Variants in HM13 observed in about 807,000 individuals in gnomAD.
HM13 encodes histocompatibility minor 13, also known as signal peptide peptidase.
A neutral mutation model predicts 50.0 loss-of-function variants in HM13; 18 were observed. The observed-to-expected ratio is 0.36, with a 90% CI of 0.25 to 0.53. HM13 has a LOEUF of 0.53. HM13 is among the 20% of genes least tolerant of loss of function. The pLI is 0.90. For synonymous variants in HM13, 197 were observed against 232.6 expected (o/e 0.85, Z 1.39); for missense variants, 393 against 552.4 (o/e 0.71, Z 2.89).
At position 31,552,974 on chromosome 20, in the gene HM13, C is replaced by G. The variant is rs184458195; in HGVS notation, c.725-1772C>G. On this transcript the variant is annotated intron_variant, in intron 7 of 12. Transcript: ENST00000398174. ...TGGGTGACAGAGTAAGACTCCGTCT[C>G]AAATATATATGTATATATGTATAAA... is the stretch of plus-strand genomic sequence containing the variant. Among the ~76,000 whole-genome samples the G allele has an allele frequency of 6.6e-5, 10 of 151,994 alleles. No homozygotes were observed. In the East Asian group the frequency reaches 1.7e-3, roughly 26 times the overall value.
chr20:31,533,349 A>T (rs1453667254), intron 2 of HM13, among the ~76,000 whole-genome samples: 1 of 152,216 alleles, frequency 6.6e-6, no homozygotes, highest in South Asian at 2.1e-4. Flanking sequence ...CTAAAAATAC[A>T]AAAAAGTTAA....
At chr20:31,554,316 C>A (rs546632664) in intron 7 of HM13, among the ~76,000 whole-genome samples, 2 of 151,336 alleles carry the variant, frequency 1.3e-5, no homozygotes, top group African/African-American at 4.9e-5. Flanking sequence ...GAGCCAAGAT[C>A]GTGCCACTGC....
rs11478596 is a variant in HM13, at chr20:31,530,414, CTT to C, written c.282+2844_282+2845del. ...AGTCAAATTACCCCATTCTTTCATT[CTT>C]TTTTTTTTTTTGAGACAGAGTCTTT... On this transcript the variant is annotated intron_variant, in intron 2 of 12. Transcript: ENST00000398174. Among the ~76,000 whole-genome samples, 955 of 143,662 alleles carry C rather than the reference CTT, an allele frequency of 6.6e-3. 12 individuals carry two copies. Among genetic ancestry groups the C allele is most frequent in the African/African-American group, 0.023 (879 of 38,548 alleles). 94.2% of individuals were successfully genotyped at this position (143,662 alleles called of 152,430 possible). A position where few individuals can be genotyped will look rare whatever the true frequency, so the allele number is the denominator to read the frequency against.
Position 31,514,685 on chromosome 20 carries a change from T to G in HM13, c.134T>G (p.Leu45Arg), listed in dbSNP as rs1188549733. The change falls in exon 1 of 13, where the codon CTG (leucine) becomes CGG (arginine). Residue 45 changes from leucine (L) to arginine (R), a missense_variant. By Grantham distance (102) the Leu-to-Arg change is moderately radical (BLOSUM62 -2). This residue lies in a region of HM13 where 214 missense variants were observed against 276.1 expected (regional missense o/e 0.77). Transcript: ENST00000398174. The surrounding 1 kb of genome is among the most constrained non-coding windows in gnomAD (Gnocchi z 4.3). ...AYGSLLLMAL[L>R]PIFFGALRSV... is the part of the protein sequence containing the mutation. The stretch of plus-strand genomic sequence containing the variant: ...GGCAGCCTCCTGCTCATGGCGCTGC[T>G]GCCCATCTTCTTCGGCGCCCTGCGC... The G allele has an allele frequency of 6.4e-7, 1 of 1,555,372 alleles. No individual in the cohort carries two copies. Among genetic ancestry groups the G allele is most frequent in the East Asian group, 2.4e-5 (1 of 41,646 alleles).
chr20:31,548,650 A>G lies in HM13; in HGVS notation c.455-379A>G, dbSNP rs1600652386. ...TTATTCCCCCACAGCAGCCCTAAGA[A>G]GGGGTGCTGTTATCCCCTTTTTACA... On this transcript the variant is annotated intron_variant, in intron 4 of 12. Coordinates refer to ENST00000398174, the MANE Select transcript of HM13 (RefSeq NM_178581.3). 2.1e-5 allele frequency: 6 copies of G among 287,166 alleles called. No individual in the cohort carries two copies. The East Asian group carries it at 4.6e-4, about 22-fold the overall frequency. 17.8% of individuals were successfully genotyped at this position (287,166 alleles called of 1,614,324 possible).
intron 7 of HM13, among the ~76,000 whole-genome samples, chr20:31,551,778 T>C (rs1468093112): frequency 6.6e-6 from 1 of 152,156 alleles, no homozygotes; most frequent in Non-Finnish European, 1.5e-5. Context: ...AAGAAACAGC[T>C]GTCTTTCTCG....
chr20:31,515,042 C>T (rs1004458154), intron 1 of HM13, among the ~76,000 whole-genome samples: 4 of 152,218 alleles, frequency 2.6e-5, no homozygotes, highest in African/African-American at 9.6e-5. Context: ...GCCCGTCCCC[C>T]ACTGCGACTC....
intron 6 of HM13, 48 bp downstream of exon 6, chr20:31,549,380 A>C: frequency 6.2e-7 from 1 of 1,611,538 alleles, no homozygotes; most frequent in Non-Finnish European, 8.5e-7. Context: ...GGGCCATCTC[A>C]TCTCATCACC....
At chr20:31,517,486 C>T (rs1374272427) in intron 1 of HM13, among the ~76,000 whole-genome samples, 1 of 152,054 alleles carries the variant, frequency 6.6e-6, no homozygotes, top group African/African-American at 2.4e-5. Flanking sequence ...CCAGGAGTTC[C>T]GGGACAAAGA....
chr20:31,524,354 A>G (rs1052408682), intron 1 of HM13, among the ~76,000 whole-genome samples: 4 of 152,234 alleles, frequency 2.6e-5, no homozygotes, highest in African/African-American at 9.6e-5. Context: ...TAACAGAGCA[A>G]GGAATACCTT....
rs191405187 is a variant in HM13 at position 31,546,726 on chromosome 20, G to T, written c.454+1691G>T. On this transcript the variant is annotated intron_variant, in intron 4 of 12. Coordinates refer to ENST00000398174, the MANE Select transcript of HM13 (RefSeq NM_178581.3). ...GCCGAAATCGCGCCACTGCACTCCA[G>T]CCAGGGCGACAGAGTGAGACCCTGT... Among the ~76,000 whole-genome samples, 56 of 149,534 alleles carry T rather than the reference G, an allele frequency of 3.7e-4. 1 individual carries two copies. The East Asian group carries it at 0.01, about 28-fold the overall frequency.
intron 3 of HM13, 67 bp from the exon 4 acceptor site, chr20:31,544,880 A>AG (rs1390621535): frequency 8.1e-7 from 1 of 1,231,824 alleles, no homozygotes; most frequent in Non-Finnish European, 1.2e-6. Flanking sequence ...TAAATGGGGC[A>AG]GGGGTGTGTT....
At chr20:31,533,259 T>C (rs1600632401) in intron 2 of HM13, among the ~76,000 whole-genome samples, 1 of 152,200 alleles carries the variant, frequency 6.6e-6, no homozygotes, top group Non-Finnish European at 1.5e-5. Flanking sequence ...TCCCAACGCT[T>C]TGGGAGGCCG....
intron 2 of HM13, among the ~76,000 whole-genome samples, chr20:31,531,438 C>T (rs1289349756): frequency 1.3e-5 from 2 of 151,646 alleles, no homozygotes; most frequent in East Asian, 3.9e-4. Context: ...GCTCTGTTGC[C>T]CAGGCTGGAA....
intron 12 of HM13, 69 bp downstream of exon 12, chr20:31,568,293 CTGCAGCTCCAGTGCATAGGGCAGGGACCA>C (rs1418591324): frequency 6.4e-7 from 1 of 1,573,986 alleles, no homozygotes; most frequent in African/African-American, 1.3e-5. Context: ...AGGGCAGACA[CTGCAGCTCCAGTGCATAGGGCAGGGACCA>C]TTGCCAGGAG....
intron 3 of HM13, among the ~76,000 whole-genome samples, chr20:31,542,196 G>T (rs1329229445): frequency 1.3e-5 from 2 of 152,220 alleles, no homozygotes; most frequent in Non-Finnish European, 2.9e-5. Context: ...CCAGCCTGGG[G>T]GATTGGAGGA....
chr20:31,539,502 G>A, intron 3 of HM13: 2 of 985,512 alleles, frequency 2.0e-6, no homozygotes, highest in Non-Finnish European at 2.4e-6. Context: ...CAAAAGCATT[G>A]AAAGCCAATA....
At chr20:31,547,611 T>C (rs1191444728) in intron 4 of HM13, 6 of 1,575,242 alleles carry the variant, frequency 3.8e-6, no homozygotes, top group Non-Finnish European at 5.2e-6. Flanking sequence ...TTCCAGGTAT[T>C]GAACCATGGC....
Position 31,514,567 on chromosome 20 carries a change from A to G in HM13, c.16A>G (p.Ser6Gly), listed in dbSNP as rs768823297. Residue 6 changes from serine to glycine, a missense_variant, in exon 1 of 13, where the codon AGC (serine) becomes GGC (glycine). This residue lies in a region of HM13 where 214 missense variants were observed against 276.1 expected (regional missense o/e 0.77). Transcript: ENST00000398174. The surrounding 1 kb of genome is among the most constrained non-coding windows in gnomAD (Gnocchi z 4.3). MDSAL[S>G]DPHNGSAEAG... is the part of the protein sequence containing the mutation. The stretch of plus-strand genomic sequence containing the variant: ...CACCCTCGCCATGGACTCGGCCCTC[A>G]GCGATCCGCATAACGGCAGTGCCGA... 6.2e-7 allele frequency: 1 copy of G among 1,606,488 alleles called. No individual in the cohort carries two copies. The highest frequency in any genetic ancestry group is 1.1e-5 in the South Asian group (1 of 89,612).
Sources: allele counts gnomAD v4.1 joint callset (sites outside exome capture counted in the v4.1 genomes callset), GRCh38; gene constraint gnomAD v4.1.1; regional missense constraint gnomAD v4.1.1; non-coding constraint Gnocchi (gnomAD v3.1); transcripts MANE v1.5; gene names NCBI Gene and HGNC (gene_info 2026-07-23, HGNC 2026-07-21).